The following ZNF749 variants were observed in gnomAD, a reference collection of about 807,000 sequenced individuals.
The protein encoded by ZNF749 is zinc finger protein 749.
A neutral mutation model predicts 7.3 loss-of-function variants in ZNF749; 8 were observed. That is an observed-to-expected ratio of 1.10 (90% CI 0.64 to 1.98). The LOEUF is 1.98. ZNF749 is among the 30% of genes most tolerant of loss of function. The pLI is 0.00. For missense variants in ZNF749, 898 were observed against 932.4 expected (o/e 0.96, Z 0.48); for synonymous variants, 310 against 322.4 (o/e 0.96, Z 0.41).
Position 57,445,214 on chromosome 19 carries a change from T to A in ZNF749, c.2066T>A (p.Val689Asp), listed in dbSNP as rs768732769. The change falls in exon 3 of 3, where the codon GTT (valine) becomes GAT (aspartate). Residue 689 changes from valine to aspartate, a missense_variant. Coordinates refer to ENST00000334181, the MANE Select transcript of ZNF749 (RefSeq NM_001023561.4). ...YRSTFIKHHK[V>D]CTGEKPHECS... The stretch of plus-strand genomic sequence containing the variant: ...TCTACATTCATTAAACATCATAAAG[T>A]TTGCACTGGGGAGAAGCCTCATGAG... 3.1e-6 allele frequency: 5 copies of A among 1,614,078 alleles called. No homozygotes were observed. The Admixed American group carries it at 8.3e-5, about 27-fold the overall frequency.
In ZNF749 at chr19:57,444,117, A is replaced by G. The variant is rs753636501; in HGVS notation, c.969A>G (p.Glu323=). 1 of 1,614,066 alleles carries G rather than the reference A, an allele frequency of 6.2e-7. No homozygotes were observed. Among genetic ancestry groups the G allele is most frequent in the South Asian group, 1.1e-5 (1 of 91,074 alleles). ...LVGHQKTHTG[E]QPYECNKCGK... is the part of the protein sequence containing the mutation. ...GTCACCAGAAAACCCATACTGGAGA[A>G]CAGCCCTATGAATGCAACAAGTGTG... The change falls in exon 3 of 3, where the codon GAA becomes GAG. Residue 323 remains glutamate, a synonymous_variant. Transcript: ENST00000334181.
At chr19:57,435,687 A>G in intron 1 of ZNF749, 94 bp downstream of exon 1, 2 of 1,522,556 alleles carry the variant, frequency 1.3e-6, no homozygotes, top group Admixed American at 4.1e-5. Flanking sequence ...TTGTGTCTCT[A>G]AGAGAGGGGC....
chr19:57,444,621 C>G lies in ZNF749; in HGVS notation c.1473C>G (p.Ala491=). ...ATACATGCAGTGAATGTGGGAAGGC[C>G]TTCCTTACACAGGCTCATCTGGTTG... ...RPYTCSECGK[A]FLTQAHLVGH... The change falls in exon 3 of 3, where the codon GCC becomes GCG. Residue 491 remains alanine (A), a synonymous_variant. Transcript: ENST00000334181. The G allele has an allele frequency of 1.9e-6, 3 of 1,613,628 alleles. No individual in the cohort carries two copies. Among genetic ancestry groups the G allele is most frequent in the Non-Finnish European group, 1.7e-6 (2 of 1,179,908 alleles).
At chr19:57,429,453 A>G in the ZNF749 span, among the ~76,000 whole-genome samples, 2 of 152,102 alleles carry the variant, frequency 1.3e-5, no homozygotes, top group Non-Finnish European at 2.9e-5. This position sits in a 1 kb window ranked among gnomAD's most constrained non-coding sequence, Gnocchi z 4.2. Flanking sequence ...TGGATCACAT[A>G]TAATTCTATT....
At chr19:57,438,028 A>T (rs2088951866) in intron 1 of ZNF749, 2 of 398,388 alleles carry the variant, frequency 5.0e-6, no homozygotes, top group South Asian at 2.5e-4. Flanking sequence ...CAGGGCAGAG[A>T]TGGTTGTACA....
chr19:57,443,555 G>A lies in ZNF749; in HGVS notation c.407G>A (p.Trp136Ter). Residue 136 changes from tryptophan (W) to a stop codon, truncating the protein, a stop_gained, in exon 3 of 3, where the codon TGG (tryptophan) becomes TAG (stop). Transcript: ENST00000334181. LOFTEE classifies it low-confidence loss of function (END_TRUNC). ...GAGAAGCTCACCAGAAGTGATGAGT[G>A]GAGGCCTTCATTTGTGAACCACAGT... The part of the protein sequence containing the change: ...IREKLTRSDE[W>*]RPSFVNHSAH... 5 of 1,614,250 alleles carry A rather than the reference G, an allele frequency of 3.1e-6. No individual in the cohort carries two copies. Among genetic ancestry groups the A allele is most frequent in the Non-Finnish European group, 4.2e-6 (5 of 1,180,042 alleles).
Position 57,444,529 on chromosome 19 carries a change from A to G in ZNF749, c.1381A>G (p.Thr461Ala). 6.2e-7 allele frequency: 1 copy of G among 1,613,924 alleles called. No homozygotes were observed. ...SHLVQHQKIHTDAFSKRSDLI... is the reference protein window; with the variant it reads ...SHLVQHQKIHADAFSKRSDLI... ...CCTAGTTCAGCACCAGAAAATCCAC[A>G]CTGATGCATTTTCAAAAAGGTCTGA... Residue 461 changes from threonine (T) to alanine (A), a missense_variant, in exon 3 of 3, where the codon ACT (threonine) becomes GCT (alanine). Coordinates refer to ENST00000334181, the MANE Select transcript of ZNF749 (RefSeq NM_001023561.4).
Position 57,435,346 on chromosome 19 carries a change from G to T in ZNF749, c.-233G>T, listed in dbSNP as rs908627885. 14 of 627,424 alleles carry T rather than the reference G, an allele frequency of 2.2e-5. No homozygotes were observed. Among genetic ancestry groups the T allele is most frequent in the African/African-American group, 1.8e-4 (10 of 54,222 alleles). The allele number at this position is 627,424 out of a possible 1,614,324, so 38.9% of individuals were successfully genotyped here. The stretch of plus-strand genomic sequence containing the variant: ...CGGGACTTCTGGCGGCGCCCTCATG[G>T]TTGCGTTAGCATGGCTACCTAGGGA... On this transcript the variant is annotated 5_prime_UTR_variant, in exon 1 of 3. Transcript: ENST00000334181.
rs1264625517 is a variant in ZNF749, at chr19:57,443,893, G to A, written c.745G>A (p.Glu249Lys). 6.2e-7 allele frequency: 1 copy of A among 1,613,536 alleles called. No homozygotes were observed. ...TAAATATCAGCAAAATCATGCTGGA[G>A]AAAGGCCTTATGAGGGCACTGAATA... is the stretch of plus-strand genomic sequence containing the variant. ...LIKYQQNHAGERPYEGTEYGK... is the reference protein window; with the variant it reads ...LIKYQQNHAGKRPYEGTEYGK... Residue 249 changes from glutamate (E) to lysine (K), a missense_variant, in exon 3 of 3, where the codon GAA (glutamate) becomes AAA (lysine). Glu to Lys is a moderately conservative substitution (Grantham distance 56). Coordinates refer to ENST00000334181, the MANE Select transcript of ZNF749 (RefSeq NM_001023561.4).
In ZNF749 at chr19:57,442,015, A is replaced by G. The variant is rs1440148854; in HGVS notation, c.142+4A>G. 1 of 1,613,642 alleles carries G rather than the reference A, an allele frequency of 6.2e-7. No homozygotes were observed. Among genetic ancestry groups the G allele is most frequent in the African/African-American group, 1.3e-5 (1 of 74,890 alleles). On this transcript the variant is annotated splice_donor_region_variant and intron_variant, in intron 2 of 2. Transcript: ENST00000334181. The surrounding 1 kb of genome is among the most constrained non-coding windows in gnomAD (Gnocchi z 6.6). ...TTTGCGCTTTTGTCATCAGTAGGTA[A>G]GGCCTTCATACCTACTCTGGTGTCT... is the stretch of plus-strand genomic sequence containing the variant.
In ZNF749 at chr19:57,445,279, CTTA is replaced by C. The variant is rs773865309; in HGVS notation, c.2136_2138del (p.Ile713del). The C allele has an allele frequency of 4.2e-5, 67 of 1,613,818 alleles. No individual in the cohort carries two copies. The highest frequency in any genetic ancestry group is 5.0e-5 in the Non-Finnish European group (59 of 1,179,906). ...GGAATTGTTTAGGACTAAATCGAGC[CTTA>C]TTATACATCAGCAGTCTCACACTGG... is the stretch of plus-strand genomic sequence containing the variant. On this transcript the variant is annotated inframe_deletion, in exon 3 of 3. Coordinates refer to ENST00000334181, the MANE Select transcript of ZNF749 (RefSeq NM_001023561.4).
intron 1 of ZNF749, among the ~76,000 whole-genome samples, chr19:57,440,284 T>C (rs939969307): frequency 4.6e-5 from 7 of 151,784 alleles, no homozygotes; most frequent in Admixed American, 6.6e-5. Context: ...GGGGATAGCA[T>C]TGGGGAGGTC....
At chr19:57,432,584 A>C (rs564534440), upstream of ZNF749, among the ~76,000 whole-genome samples, 1 of 116,580 alleles carries the variant, frequency 8.6e-6, no homozygotes, top group Non-Finnish European at 1.8e-5. Flanking sequence ...AAAAAAAAAA[A>C]GGTGGGGGGG....
chr19:57,445,442 G>A lies in ZNF749; in HGVS notation c.2294G>A (p.Ser765Asn), dbSNP rs911531190. The A allele has an allele frequency of 1.9e-6, 3 of 1,613,038 alleles. No individual in the cohort carries two copies. In the African/African-American group the frequency reaches 4.0e-5, roughly 22 times the overall value. The change falls in exon 3 of 3, where the codon AGC (serine) becomes AAC (asparagine). Residue 765 changes from serine to asparagine, a missense_variant. Transcript: ENST00000334181. ...ESSKVFKYNS[S>N]LIKHQIIHTG... Reference sequence around the variant, plus strand: ...AGCAAAGTGTTTAAATACAACTCCAGCCTCATTAAACATCAGATAATTCAT... The same window carrying A: ...AGCAAAGTGTTTAAATACAACTCCAACCTCATTAAACATCAGATAATTCAT...
At chr19:57,432,594 G>GA (rs1555784030), upstream of ZNF749, among the ~76,000 whole-genome samples, 4 of 142,720 alleles carry the variant, frequency 2.8e-5, no homozygotes, top group African/African-American at 1.0e-4. Context: ...AGGTGGGGGG[G>GA]ACTAAACAGA....
At chr19:57,434,101 C>T (rs112462224), upstream of ZNF749, among the ~76,000 whole-genome samples, 3,059 of 152,038 alleles carry the variant, frequency 0.02, 110 homozygotes, top group African/African-American at 0.07. Flanking sequence ...AACCCCTTGT[C>T]TTTTTTTGTT....
Position 57,435,604 on chromosome 19 carries a change from C to T in ZNF749, c.15+11C>T, listed in dbSNP as rs1292296702. ...ATGAACCTGACCGAGGTGCGTGCAGCGTCCCAGGCCGCCCCGCCCAACCCC... is the reference window on the plus strand; with the variant it reads ...ATGAACCTGACCGAGGTGCGTGCAGTGTCCCAGGCCGCCCCGCCCAACCCC... On this transcript the variant is annotated intron_variant, in intron 1 of 2. Transcript: ENST00000334181. 6.2e-7 allele frequency: 1 copy of T among 1,603,200 alleles called. No individual in the cohort carries two copies. Among genetic ancestry groups the T allele is most frequent in the Non-Finnish European group, 8.5e-7 (1 of 1,176,024 alleles).
Position 57,435,441 on chromosome 19 carries a change from G to A in ZNF749, c.-138G>A, listed in dbSNP as rs1185029648. ...GAGGTGAAAGAGCGGAAAAACGCGA[G>A]AAGCGGTGTTCCTTCTACACAGAGG... is the stretch of plus-strand genomic sequence containing the variant. On this transcript the variant is annotated 5_prime_UTR_variant, in exon 1 of 3. Transcript: ENST00000334181. 3 of 1,312,120 alleles carry A rather than the reference G, an allele frequency of 2.3e-6. No homozygotes were observed. Among genetic ancestry groups the A allele is most frequent in the South Asian group, 1.3e-5 (1 of 78,912 alleles). 81.3% of individuals were successfully genotyped at this position (1,312,120 alleles called of 1,614,324 possible).
In ZNF749 at chr19:57,445,210, A is replaced by C. The variant is rs749401650; in HGVS notation, c.2062A>C (p.Lys688Gln). ...CCGCTCTACATTCATTAAACATCAT[A>C]AAGTTTGCACTGGGGAGAAGCCTCA... Reference protein sequence around the residue: ...RYRSTFIKHHKVCTGEKPHEC... With the variant: ...RYRSTFIKHHQVCTGEKPHEC... The change falls in exon 3 of 3, where the codon AAA (lysine) becomes CAA (glutamine). Residue 688 changes from lysine to glutamine, a missense_variant. Physicochemically the swap from Lys to Gln is moderately conservative, Grantham distance 53. Transcript: ENST00000334181. The C allele has an allele frequency of 1.9e-6, 3 of 1,614,114 alleles. No homozygotes were observed. The Admixed American group carries it at 5.0e-5, about 27-fold the overall frequency.
Sources: allele counts gnomAD v4.1 joint callset (sites outside exome capture counted in the v4.1 genomes callset), GRCh38; gene constraint gnomAD v4.1.1; non-coding constraint Gnocchi (gnomAD v3.1); transcripts MANE v1.5; gene names NCBI Gene and HGNC (gene_info 2026-07-23, HGNC 2026-07-21).